ZNF532: variants seen among roughly 807,000 people sequenced by gnomAD.
ZNF532 encodes zinc finger protein 532.
Under a neutral mutation model 89.3 loss-of-function variants are expected in ZNF532, and 22 were observed. The observed-to-expected ratio is 0.25, with a 90% CI of 0.18 to 0.35. ZNF532 has a LOEUF of 0.35. Ranked by LOEUF, ZNF532 falls within the 10% of genes least tolerant of loss-of-function variation. ZNF532 has a pLI of 1.00. For missense variants in ZNF532, 1,132 were observed against 1,643.4 expected (o/e 0.69, Z 5.38); for synonymous variants, 606 against 649.6 (o/e 0.93, Z 1.02).
chr18:58,873,465 C>A (rs1471319647), intron 2 of ZNF532, among the ~76,000 whole-genome samples: 1 of 147,086 alleles, frequency 6.8e-6, no homozygotes. Flanking sequence ...TTTGTTTTTT[C>A]TGGGATGAAG....
chr18:58,961,586 A>G (rs1446282499), intron 7 of ZNF532, among the ~76,000 whole-genome samples: 1 of 151,970 alleles, frequency 6.6e-6, no homozygotes, highest in African/African-American at 2.4e-5. Context: ...CGTGTACCGC[A>G]AAGGGGAGGG....
At chr18:58,938,687 C>T (rs2062682321) in intron 4 of ZNF532, among the ~76,000 whole-genome samples, 1 of 152,160 alleles carries the variant, frequency 6.6e-6, no homozygotes, top group Admixed American at 6.5e-5. Flanking sequence ...GGGCCGAGGC[C>T]TTGGAGCCAG....
At chr18:58,912,777 T>G (rs957706313) in intron 2 of ZNF532, among the ~76,000 whole-genome samples, 2 of 152,216 alleles carry the variant, frequency 1.3e-5, no homozygotes, top group Non-Finnish European at 2.9e-5. Flanking sequence ...TTTTCCACAT[T>G]TTTTCATGTG....
At chr18:58,942,062 G>C (rs550081757) in intron 5 of ZNF532, among the ~76,000 whole-genome samples, 10 of 127,268 alleles carry the variant, frequency 7.9e-5, no homozygotes, top group Non-Finnish European at 6.4e-5. Context: ...TCGCTGTGTC[G>C]CCCAGGCTGG....
chr18:58,958,384 A>G (rs957580205), intron 7 of ZNF532, among the ~76,000 whole-genome samples: 4 of 152,256 alleles, frequency 2.6e-5, no homozygotes, highest in African/African-American at 4.8e-5. Context: ...TACAAATTCT[A>G]TATACAGAAA....
intron 5 of ZNF532, among the ~76,000 whole-genome samples, chr18:58,941,990 CCCTT>C (rs74175864): frequency 3.6e-4 from 45 of 125,782 alleles, no homozygotes; most frequent in South Asian, 9.8e-4. Context: ...TTCCCTCCTT[CCCTT>C]CCTTCCTTCC....
chr18:58,870,027 G>A (rs7343012), intron 2 of ZNF532, among the ~76,000 whole-genome samples: 12,947 of 149,664 alleles, frequency 0.087, 594 homozygotes, highest in Middle Eastern at 0.17. Context: ...CAACCTCCCA[G>A]AGTGCTGGGA....
In ZNF532 at chr18:58,957,690, C is replaced by A. The variant is rs550351071; in HGVS notation, c.3150+3891C>A. On this transcript the variant is annotated intron_variant, in intron 7 of 9. Coordinates refer to ENST00000591808, the MANE Select transcript of ZNF532 (RefSeq NM_001375912.1). ...CTTTCTTCCCCTTCTCAGTTCCCAT[C>A]CAGAAGAACTTTACTAAAAAGAAAT... Among the ~76,000 whole-genome samples, 113 of 152,154 alleles carry A rather than the reference C, an allele frequency of 7.4e-4. 1 individual carries two copies. Among genetic ancestry groups the A allele is most frequent in the African/African-American group, 2.6e-3 (108 of 41,538 alleles).
chr18:58,919,486 T>C lies in ZNF532; in HGVS notation c.1199T>C (p.Met400Thr). 1 of 1,614,208 alleles carries C rather than the reference T, an allele frequency of 6.2e-7. No individual in the cohort carries two copies. Among genetic ancestry groups the C allele is most frequent in the Non-Finnish European group, 8.5e-7 (1 of 1,180,038 alleles). The change falls in exon 3 of 10, where the codon ATG becomes ACG. Residue 400 changes from methionine to threonine, a missense_variant. Physicochemically the swap from Met to Thr is moderately conservative, Grantham distance 81 (BLOSUM62 -1). Coordinates refer to ENST00000591808, the MANE Select transcript of ZNF532 (RefSeq NM_001375912.1). This position sits in a 1 kb window ranked among gnomAD's most constrained non-coding sequence, Gnocchi z 6.1. ...CCTTCCGAGCAGACAGCGTCCGTGA[T>C]GGCCTCTGTGACATCCCTTCTGTCG... The part of the protein sequence containing the change: ...KKPSEQTASV[M>T]ASVTSLLSSP...
chr18:58,974,054 G>T (rs1242477212), intron 7 of ZNF532, among the ~76,000 whole-genome samples: 1 of 152,146 alleles, frequency 6.6e-6, no homozygotes, highest in African/African-American at 2.4e-5. Context: ...TGTCTTGACT[G>T]TGGTGGCACT....
intron 9 of ZNF532, among the ~76,000 whole-genome samples, chr18:58,982,192 T>C (rs1202751432): frequency 1.3e-5 from 2 of 151,422 alleles, no homozygotes; most frequent in South Asian, 2.1e-4. Context: ...TAATCCCAGC[T>C]ACTTGGGAGG....
chr18:58,913,852 G>A (rs1287207428), intron 2 of ZNF532, among the ~76,000 whole-genome samples: 1 of 152,168 alleles, frequency 6.6e-6, no homozygotes, highest in African/African-American at 2.4e-5. Flanking sequence ...TAAGGGAAAT[G>A]TTAGTTTCTG....
At chr18:58,888,773 T>TTATATATATATAAAATTAATATATATAA (rs2058565574) in intron 2 of ZNF532, among the ~76,000 whole-genome samples, 1 of 58,322 alleles carries the variant, frequency 1.7e-5, no homozygotes. Flanking sequence ...TATATATAAT[T>TTATATATATATAAAATTAATATATATAA]TATATATATA....
intron 4 of ZNF532, among the ~76,000 whole-genome samples, chr18:58,938,606 A>G (rs4493163): frequency 0.22 from 33,596 of 152,184 alleles, 4,805 homozygotes; most frequent in Middle Eastern, 0.38. Context: ...TAGGTGGTTG[A>G]CCTTCTCTAT....
chr18:58,982,357 A>G (rs988855798), intron 9 of ZNF532, among the ~76,000 whole-genome samples: 2 of 151,894 alleles, frequency 1.3e-5, no homozygotes, highest in Non-Finnish European at 2.9e-5. Context: ...ACAGTGGCTC[A>G]TGCCTGTAAT....
intron 7 of ZNF532, among the ~76,000 whole-genome samples, chr18:58,959,547 C>T (rs1442096038): frequency 2.0e-5 from 3 of 152,026 alleles, no homozygotes; most frequent in Non-Finnish European, 4.4e-5. Flanking sequence ...CCAGTGCACT[C>T]GGCCTCAAGA....
intron 7 of ZNF532, among the ~76,000 whole-genome samples, chr18:58,965,302 A>G (rs1038093842): frequency 3.3e-5 from 5 of 152,176 alleles, no homozygotes; most frequent in South Asian, 2.1e-4. Flanking sequence ...CCTACTTACT[A>G]TCTCATTGCA....
At chr18:58,927,420 G>A (rs1045256861) in intron 3 of ZNF532, among the ~76,000 whole-genome samples, 2 of 151,778 alleles carry the variant, frequency 1.3e-5, no homozygotes, top group Non-Finnish European at 2.9e-5. Context: ...CTTGGTGGTC[G>A]GCTACAGAGC....
intron 7 of ZNF532, among the ~76,000 whole-genome samples, chr18:58,966,185 G>A (rs2065899569): frequency 6.6e-6 from 1 of 152,040 alleles, no homozygotes; most frequent in Admixed American, 6.6e-5. Context: ...TGAGAGATAA[G>A]CTATTTAGAG....
Sources: gnomAD v4.1 joint callset for allele counts (sites outside exome capture counted in the v4.1 genomes callset) on GRCh38, gnomAD v4.1.1 for gene constraint, Gnocchi (gnomAD v3.1) non-coding constraint, MANE v1.5 for transcripts, NCBI Gene and HGNC (gene_info 2026-07-23, HGNC 2026-07-21) for gene names.